ADAMTS16: variants seen among roughly 807,000 people sequenced by gnomAD.
The protein encoded by ADAMTS16 is A disintegrin and metalloproteinase with thrombospondin motifs 16.
Under a neutral mutation model 145.8 loss-of-function variants are expected in ADAMTS16, and 94 were observed. That is an observed-to-expected ratio of 0.64 (90% CI 0.55 to 0.77). The LOEUF (loss-of-function observed/expected upper bound fraction) is 0.77. Among genes scored for constraint, ADAMTS16 ranks in the 30% least tolerant of loss-of-function variants. The probability of loss-of-function intolerance (pLI) is 0.00; values close to 1 mark genes in which losing one functional copy is unlikely to be tolerated. For missense variants in ADAMTS16, 1,585 were observed against 1,591.5 expected (o/e 1.00, Z 0.07); for synonymous variants, 659 against 604.3 (o/e 1.09, Z -1.33).
At chr5:5,192,770 A>G (rs1255633333) in intron 8 of ADAMTS16, among the ~76,000 whole-genome samples, 1 of 152,178 alleles carries the variant, frequency 6.6e-6, no homozygotes, top group Non-Finnish European at 1.5e-5. Context: ...TGTGGAAACT[A>G]TTATTCTTAA....
Position 5,242,159 on chromosome 5 carries a change from T to C in ADAMTS16, c.2630T>C (p.Val877Ala). Reference sequence around the variant, plus strand: ...CAGCCCAGCTACACTTGGGCCATCGTGCGCTCTGAGTGCTCCGTGTCCTGC... The same window carrying C: ...CAGCCCAGCTACACTTGGGCCATCGCGCGCTCTGAGTGCTCCGTGTCCTGC... The part of the protein sequence containing the change: ...PAQPSYTWAI[V>A]RSECSVSCGG... The change falls in exon 17 of 23, where the codon GTG becomes GCG. Residue 877 changes from valine (V) to alanine (A), a missense_variant. Val to Ala is a moderately conservative substitution (Grantham distance 64). Around this residue, in one of 3 missense-constraint regions of ADAMTS16, gnomAD observed 834 missense variants for 811.7 expected, o/e 1.03. Coordinates refer to ENST00000274181, the MANE Select transcript of ADAMTS16 (RefSeq NM_139056.4). 12 of 1,614,148 alleles carry C rather than the reference T, an allele frequency of 7.4e-6. No individual in the cohort carries two copies. The highest frequency in any genetic ancestry group is 1.0e-5 in the Non-Finnish European group (12 of 1,180,032).
At chr5:5,237,383 A>G (rs1737141130) in intron 14 of ADAMTS16, among the ~76,000 whole-genome samples, 1 of 152,188 alleles carries the variant, frequency 6.6e-6, no homozygotes, top group African/African-American at 2.4e-5. Flanking sequence ...TCCAAGCTAG[A>G]TCTGAAAGGG....
At chr5:5,284,082 G>T (rs529934700) in intron 18 of ADAMTS16, among the ~76,000 whole-genome samples, 5 of 152,038 alleles carry the variant, frequency 3.3e-5, no homozygotes, top group African/African-American at 4.8e-5. Context: ...CTATATGACT[G>T]TCTTCTTTTT....
intron 18 of ADAMTS16, among the ~76,000 whole-genome samples, chr5:5,290,931 G>A (rs1362931085): frequency 1.3e-5 from 2 of 152,154 alleles, no homozygotes; most frequent in African/African-American, 4.8e-5. Flanking sequence ...GGGCGTCACT[G>A]AGATGGCGTT....
At position 5,252,722 on chromosome 5, in the gene ADAMTS16, T is replaced by C. The variant is rs149988918; in HGVS notation, c.2663-9935T>C. 4.0e-3 allele frequency among the ~76,000 whole-genome samples: 613 copies of C among 152,292 alleles called. 3 individuals carry two copies. The highest frequency in any genetic ancestry group is 0.014 in the African/African-American group (582 of 41,562). ...AAACCCATGATGGAATATGCTGCAA[T>C]AGGTTCCATATGTTTTTGTCTCCAT... On this transcript the variant is annotated intron_variant, in intron 17 of 22. Coordinates refer to ENST00000274181, the MANE Select transcript of ADAMTS16 (RefSeq NM_139056.4).
At chr5:5,237,346 G>A (rs1737139598) in intron 14 of ADAMTS16, among the ~76,000 whole-genome samples, 1 of 152,140 alleles carries the variant, frequency 6.6e-6, no homozygotes, top group Non-Finnish European at 1.5e-5. Flanking sequence ...ACATTCGTGG[G>A]GCTCCTAGGA....
chr5:5,238,385 A>T (rs1560962773), intron 14 of ADAMTS16, among the ~76,000 whole-genome samples: 1 of 152,210 alleles, frequency 6.6e-6, no homozygotes. Flanking sequence ...AACATTAATT[A>T]GTTAATTATG....
intron 18 of ADAMTS16, among the ~76,000 whole-genome samples, chr5:5,276,822 C>G (rs1008681960): frequency 6.6e-6 from 1 of 151,630 alleles, no homozygotes; most frequent in Non-Finnish European, 1.5e-5. Flanking sequence ...CCACTAGCCT[C>G]GTTTTTCTCT....
At chr5:5,274,762 A>G (rs1471754569) in intron 18 of ADAMTS16, among the ~76,000 whole-genome samples, 1 of 152,008 alleles carries the variant, frequency 6.6e-6, no homozygotes, top group African/African-American at 2.4e-5. Context: ...ACATATATGT[A>G]TATCATCCAT....
At chr5:5,182,340 A>T in intron 4 of ADAMTS16, 35 bp downstream of exon 4, 4 of 1,584,454 alleles carry the variant, frequency 2.5e-6, no homozygotes, top group South Asian at 1.1e-5. Context: ...GTATTTAGTG[A>T]TGCTGACATT....
chr5:5,243,087 T>G (rs1416849007), intron 17 of ADAMTS16, among the ~76,000 whole-genome samples: 1 of 152,156 alleles, frequency 6.6e-6, no homozygotes, highest in Non-Finnish European at 1.5e-5. Flanking sequence ...AAAAATAAAT[T>G]TACATGTTCT....
At chr5:5,318,345 A>G in intron 22 of ADAMTS16, 64 bp downstream of exon 22, 1 of 1,345,422 alleles carries the variant, frequency 7.4e-7, no homozygotes, top group South Asian at 2.3e-5. Flanking sequence ...TTTCTGGAGC[A>G]GTTCCTTGGG....
chr5:5,238,092 T>C (rs1303305444), intron 14 of ADAMTS16, among the ~76,000 whole-genome samples: 1 of 152,148 alleles, frequency 6.6e-6, no homozygotes, highest in Non-Finnish European at 1.5e-5. Context: ...TACATGAGGG[T>C]TAGGCTGGAT....
chr5:5,318,061 GGT>G (rs1734126270), intron 21 of ADAMTS16, 71 bp from the exon 22 acceptor site: 1 of 1,277,556 alleles, frequency 7.8e-7, no homozygotes, highest in South Asian at 2.9e-5. Context: ...CTTTTAGAAA[GGT>G]GGGCACACTG....
chr5:5,297,119 A>G (rs2126500178), intron 18 of ADAMTS16, among the ~76,000 whole-genome samples: 1 of 152,338 alleles, frequency 6.6e-6, no homozygotes, highest in Non-Finnish European at 1.5e-5. Flanking sequence ...CTCCACACAC[A>G]TAAGACGAGG....
At chr5:5,225,678 T>C (rs1736739955) in intron 11 of ADAMTS16, among the ~76,000 whole-genome samples, 1 of 151,838 alleles carries the variant, frequency 6.6e-6, no homozygotes, top group Non-Finnish European at 1.5e-5. Context: ...AGGCCAGCAG[T>C]TGCATTCTTT....
intron 11 of ADAMTS16, among the ~76,000 whole-genome samples, chr5:5,230,780 A>C (rs918796727): frequency 6.6e-6 from 1 of 152,250 alleles, no homozygotes; most frequent in African/African-American, 2.4e-5. Flanking sequence ...GTTTGCTCAC[A>C]GATTCCTGGT....
intron 3 of ADAMTS16, among the ~76,000 whole-genome samples, chr5:5,178,605 G>A (rs1334880028): frequency 6.6e-6 from 1 of 152,106 alleles, no homozygotes; most frequent in Non-Finnish European, 1.5e-5. Flanking sequence ...TAATGAAATT[G>A]GAGATTATTT....
At chr5:5,312,446 TTA>T (rs1740497787) in intron 21 of ADAMTS16, among the ~76,000 whole-genome samples, 2 of 114,534 alleles carry the variant, frequency 1.7e-5, no homozygotes, top group African/African-American at 3.3e-5. Context: ...TTTGTTGTTG[TTA>T]TTTTTTTTTT....
Sources: allele counts gnomAD v4.1 joint callset (sites outside exome capture counted in the v4.1 genomes callset), GRCh38; gene constraint gnomAD v4.1.1; regional missense constraint gnomAD v4.1.1; transcripts MANE v1.5; gene names NCBI Gene and HGNC (gene_info 2026-07-23, HGNC 2026-07-21).